Variants in SMAP1 observed in about 807,000 individuals in gnomAD.
SMAP1 encodes the protein stromal membrane-associated protein 1.
In SMAP1, 24 loss-of-function variants were observed where a neutral mutation model predicts 58.5. The ratio of observed to expected loss-of-function variants is 0.41; its 90% CI spans 0.30 to 0.58. The LOEUF is 0.58. SMAP1 is among the 20% of genes least tolerant of loss of function. The pLI is 0.29. For missense variants in SMAP1, 563 were observed against 566.3 expected (o/e 0.99, Z 0.06); for synonymous variants, 216 against 196.6 (o/e 1.10, Z -0.82).
intron 3 of SMAP1, among the ~76,000 whole-genome samples, chr6:70,763,589 C>CA: frequency 6.6e-6 from 1 of 152,168 alleles, no homozygotes; most frequent in South Asian, 2.1e-4. Context: ...GTGAGGAAGG[C>CA]ATGTGGAAAG....
intron 1 of SMAP1, among the ~76,000 whole-genome samples, chr6:70,721,062 A>G (rs1051833180): frequency 2.6e-5 from 4 of 152,206 alleles, no homozygotes; most frequent in Non-Finnish European, 5.9e-5. Context: ...CTTGCTACTT[A>G]TGCAAATTAG....
chr6:70,814,291 G>C (rs984570145), intron 6 of SMAP1, among the ~76,000 whole-genome samples: 1 of 152,154 alleles, frequency 6.6e-6, no homozygotes, highest in Admixed American at 6.6e-5. Context: ...TGATAATTGA[G>C]ATATTGCATC....
rs1019116075 is a variant in SMAP1 at position 70,679,498 on chromosome 6, A to G, written c.118+11357A>G. ...ATGTAGGAAATCCCAAGAAATTTAT[A>G]GAAAAGCTATTAGAATGAATAATTG... On this transcript the variant is annotated intron_variant, in intron 1 of 10. Coordinates refer to ENST00000370455, the MANE Select transcript of SMAP1 (RefSeq NM_001044305.3). Among the ~76,000 whole-genome samples the G allele has an allele frequency of 3.9e-5, 6 of 152,244 alleles. No homozygotes were observed. The South Asian group carries it at 1.2e-3, about 31-fold the overall frequency.
At chr6:70,741,196 A>G (rs1169358301) in intron 2 of SMAP1, among the ~76,000 whole-genome samples, 2 of 152,186 alleles carry the variant, frequency 1.3e-5, no homozygotes, top group Non-Finnish European at 2.9e-5. Flanking sequence ...AACTCATTTC[A>G]GCATTAACTC....
chr6:70,860,178 A>C (rs1258338822), intron 10 of SMAP1, 22 bp from the exon 11 acceptor site: 1 of 1,588,382 alleles, frequency 6.3e-7, no homozygotes, highest in Non-Finnish European at 8.6e-7. Context: ...CTCTTGAACT[A>C]AGCCTTTTAT....
At chr6:70,705,496 C>G (rs758377623) in intron 1 of SMAP1, among the ~76,000 whole-genome samples, 3 of 152,168 alleles carry the variant, frequency 2.0e-5, no homozygotes, top group South Asian at 4.1e-4. Flanking sequence ...AGGTGATCCT[C>G]TGCCTCAGCT....
At chr6:70,772,902 A>G (rs2347433) in intron 3 of SMAP1, 67,034 of 153,886 alleles carry the variant, frequency 0.44, 14,998 homozygotes, top group South Asian at 0.5. Context: ...AACTAATAAT[A>G]TGCACATTCG....
At chr6:70,745,015 G>A (rs535731667) in intron 2 of SMAP1, among the ~76,000 whole-genome samples, 3 of 152,202 alleles carry the variant, frequency 2.0e-5, no homozygotes, top group Non-Finnish European at 4.4e-5. Flanking sequence ...CTTTTTGATG[G>A]GGTTGTTTGT....
chr6:70,759,692 T>C (rs995615156), intron 3 of SMAP1: 3 of 275,998 alleles, frequency 1.1e-5, no homozygotes, highest in South Asian at 7.2e-5. Context: ...TAATGAGATA[T>C]TGCATTATTA....
intron 1 of SMAP1, among the ~76,000 whole-genome samples, chr6:70,710,517 G>T (rs1262835001): frequency 1.4e-5 from 2 of 144,760 alleles, no homozygotes; most frequent in Non-Finnish European, 3.0e-5. Context: ...AAAAAAAAAA[G>T]GGTAAACGGC....
chr6:70,745,499 T>C (rs551253570), intron 2 of SMAP1, among the ~76,000 whole-genome samples: 9 of 152,378 alleles, frequency 5.9e-5, no homozygotes, highest in Admixed American at 1.3e-4. Flanking sequence ...TGTGGTGTTA[T>C]TTCTGAGGCT....
At chr6:70,671,302 G>A (rs905086154) in intron 1 of SMAP1, among the ~76,000 whole-genome samples, 2 of 152,040 alleles carry the variant, frequency 1.3e-5, no homozygotes, top group Non-Finnish European at 2.9e-5. Context: ...GCTGGGCTTG[G>A]CAGGTACCAC....
intron 2 of SMAP1, among the ~76,000 whole-genome samples, chr6:70,737,698 T>C (rs1371428649): frequency 6.6e-6 from 1 of 152,244 alleles, no homozygotes; most frequent in Non-Finnish European, 1.5e-5. Context: ...CAGTATGCAC[T>C]TGATTTTTTA....
At chr6:70,760,813 T>G (rs562519680) in intron 3 of SMAP1, among the ~76,000 whole-genome samples, 45 of 152,254 alleles carry the variant, frequency 3.0e-4, no homozygotes, top group Non-Finnish European at 5.1e-4. Context: ...TAAAAAGCTT[T>G]GCAATTTACA....
In SMAP1 at chr6:70,861,754, AG is replaced by A. The variant is rs1431432027; in HGVS notation, c.*1424del. 1 of 1,613,958 alleles carries A rather than the reference AG, an allele frequency of 6.2e-7. No individual in the cohort carries two copies. The highest frequency in any genetic ancestry group is 8.5e-7 in the Non-Finnish European group (1 of 1,179,986). On this transcript the variant is annotated 3_prime_UTR_variant, in exon 11 of 11. Coordinates refer to ENST00000370455, the MANE Select transcript of SMAP1 (RefSeq NM_001044305.3). ...CCGAGTGTGCCACACGAGAACCTGA[AG>A]GGGAAGGAAATAGCTTGGGTAGCGC... is the stretch of plus-strand genomic sequence containing the variant.
intron 1 of SMAP1, among the ~76,000 whole-genome samples, chr6:70,672,369 G>A (rs1241519778): frequency 6.6e-6 from 1 of 152,058 alleles, no homozygotes; most frequent in Non-Finnish European, 1.5e-5. Context: ...TTTCTAACAA[G>A]TTTTTGCCTG....
intron 1 of SMAP1, among the ~76,000 whole-genome samples, chr6:70,676,935 C>T (rs1766504412): frequency 6.6e-6 from 1 of 151,872 alleles, no homozygotes; most frequent in Non-Finnish European, 1.5e-5. Context: ...GGCTTGTCAC[C>T]ATGTATGGCT....
intron 1 of SMAP1, among the ~76,000 whole-genome samples, chr6:70,732,139 T>G (rs1765455433): frequency 6.6e-6 from 1 of 152,128 alleles, no homozygotes; most frequent in African/African-American, 2.4e-5. Flanking sequence ...TTTAAAATCT[T>G]AGAGTGGAGG....
chr6:70,715,445 C>G (rs1768229518), intron 1 of SMAP1, among the ~76,000 whole-genome samples: 1 of 152,216 alleles, frequency 6.6e-6, no homozygotes, highest in Non-Finnish European at 1.5e-5. Flanking sequence ...CTACCTGAAT[C>G]TGGATTTGTA....
Sources: gnomAD v4.1 joint callset for allele counts (sites outside exome capture counted in the v4.1 genomes callset) on GRCh38, gnomAD v4.1.1 for gene constraint, MANE v1.5 for transcripts, NCBI Gene and HGNC (gene_info 2026-07-23, HGNC 2026-07-21) for gene names.